The following TCP11L1 variants were observed in gnomAD, a reference collection of about 807,000 sequenced individuals.
The protein encoded by TCP11L1 is t-complex 11 like 1.
TCP11L1 carries 28 observed loss-of-function variants against 48.9 expected under a neutral mutation model. The observed-to-expected ratio is 0.57, with a 90% CI of 0.42 to 0.78. The LOEUF is 0.78. Among genes scored for constraint, TCP11L1 ranks in the 30% least tolerant of loss-of-function variants. TCP11L1 has a pLI of 0.00. For synonymous variants in TCP11L1, 204 were observed against 231.9 expected, an observed-to-expected ratio of 0.88 and a Z score of 1.09; for missense variants, 505 against 613.4, an observed-to-expected ratio of 0.82 and a Z score of 1.87.
chr11:33,070,937 G>A (rs1164890675), intron 9 of TCP11L1, among the ~76,000 whole-genome samples: 1 of 151,554 alleles, frequency 6.6e-6, no homozygotes, highest in Non-Finnish European at 1.5e-5. Context: ...AGGAGGCGGG[G>A]GTTGCAGTGA....
intron 9 of TCP11L1, among the ~76,000 whole-genome samples, chr11:33,070,472 G>C (rs777072475): frequency 2.6e-5 from 4 of 152,132 alleles, no homozygotes; most frequent in Non-Finnish European, 5.9e-5. Flanking sequence ...GTTCACCTGA[G>C]ATTGGAAGTT....
chr11:33,057,372 G>A, intron 4 of TCP11L1, 137 bp downstream of exon 4: 1 of 1,434,012 alleles, frequency 7.0e-7, no homozygotes, highest in Non-Finnish European at 9.4e-7. Flanking sequence ...TGGATCAAGA[G>A]TGTTTTTGGC....
chr11:33,040,597 TG>T lies in TCP11L1; in HGVS notation c.-25+807del, dbSNP rs943223075. On this transcript the variant is annotated intron_variant, in intron 1 of 9. Transcript: ENST00000334274. ...ATGGAGCATAAGTGGGGAATATGACTGGTCCTGGCTCTTAAGAAGTTCGAAA... is the reference window on the plus strand; with the variant it reads ...ATGGAGCATAAGTGGGGAATATGACTGTCCTGGCTCTTAAGAAGTTCGAAA... 217 of 152,268 alleles carry T rather than the reference TG, an allele frequency of 1.4e-3. 1 individual carries two copies. Among genetic ancestry groups the T allele is most frequent in the African/African-American group, 4.9e-3 (204 of 41,466 alleles). The allele number at this position is 152,268 out of a possible 1,614,324, so 9.4% of individuals were successfully genotyped here. A position where few individuals can be genotyped will look rare whatever the true frequency, so the allele number is the denominator to read the frequency against.
In TCP11L1 at chr11:33,061,737, T is replaced by C; in HGVS notation, c.972+11T>C. On this transcript the variant is annotated intron_variant, in intron 7 of 9. Transcript: ENST00000334274. ...AGGCCGTTCCCCGAAGTAGGTCTCC[T>C]GAGCCATCTCACTACTCATATTTGT... 6.3e-7 allele frequency: 1 copy of C among 1,583,460 alleles called. No individual in the cohort carries two copies.
chr11:33,070,075 G>A (rs1462611716), intron 9 of TCP11L1, among the ~76,000 whole-genome samples: 4 of 151,778 alleles, frequency 2.6e-5, no homozygotes, highest in Non-Finnish European at 5.9e-5. Context: ...CCAGGAGTTC[G>A]AGACTATCTG....
At chr11:33,071,334 G>A (rs770318994) in intron 9 of TCP11L1, among the ~76,000 whole-genome samples, 1 of 152,052 alleles carries the variant, frequency 6.6e-6, no homozygotes, top group Non-Finnish European at 1.5e-5. Context: ...AAGAGTAAGG[G>A]TGTTAGGCCC....
intron 7 of TCP11L1, among the ~76,000 whole-genome samples, chr11:33,063,513 AGAG>A (rs1015881743): frequency 6.6e-6 from 1 of 152,338 alleles, no homozygotes; most frequent in Admixed American, 6.5e-5. Context: ...AAACCACAAC[AGAG>A]GTGTGGTTGT....
At chr11:33,062,740 C>T (rs367795654) in intron 7 of TCP11L1, among the ~76,000 whole-genome samples, 2 of 152,194 alleles carry the variant, frequency 1.3e-5, no homozygotes, top group African/African-American at 4.8e-5. Context: ...TGGACTAATC[C>T]GGGTACTTAA....
Position 33,043,954 on chromosome 11 carries a change from T to C in TCP11L1, c.163+18T>C, listed in dbSNP as rs1853912693. On this transcript the variant is annotated intron_variant, in intron 2 of 9. Coordinates refer to ENST00000334274, the MANE Select transcript of TCP11L1 (RefSeq NM_018393.4). ...ACCTCACTGTAAGCAAATTTGACTT[T>C]GGTTAGATGCAATATTGTCATTGTT... 1 of 1,579,086 alleles carries C rather than the reference T, an allele frequency of 6.3e-7. No homozygotes were observed. The highest frequency in any genetic ancestry group is 8.6e-7 in the Non-Finnish European group (1 of 1,167,284).
intron 1 of TCP11L1, 66 bp from the exon 2 acceptor site, chr11:33,043,684 A>G (rs1853903663): frequency 7.2e-7 from 1 of 1,380,328 alleles, no homozygotes; most frequent in Non-Finnish European, 9.8e-7. Flanking sequence ...GCCCTGAGTC[A>G]CATTGCTAGT....
At chr11:33,070,745 G>C (rs1854762832) in intron 9 of TCP11L1, among the ~76,000 whole-genome samples, 1 of 150,246 alleles carries the variant, frequency 6.7e-6, no homozygotes, top group Non-Finnish European at 1.5e-5. Flanking sequence ...ACTCATGCCT[G>C]TAATCCCAGC....
intron 8 of TCP11L1, among the ~76,000 whole-genome samples, chr11:33,067,996 G>A (rs1312196076): frequency 1.3e-5 from 2 of 151,384 alleles, no homozygotes; most frequent in East Asian, 1.9e-4. Flanking sequence ...ACGTGATCTC[G>A]GCGTCCACTT....
chr11:33,056,736 G>A (rs1294559020), intron 3 of TCP11L1: 1 of 240,688 alleles, frequency 4.2e-6, no homozygotes, highest in Non-Finnish European at 8.5e-6. Flanking sequence ...AAGTCACAAC[G>A]CCCAGCCTAA....
chr11:33,067,706 A>G (rs992908107), intron 8 of TCP11L1, among the ~76,000 whole-genome samples: 1 of 152,136 alleles, frequency 6.6e-6, no homozygotes, highest in African/African-American at 2.4e-5. Context: ...GGTGAGTGCC[A>G]GGGCTTGCTC....
chr11:33,066,067 G>T, intron 8 of TCP11L1, 56 bp downstream of exon 8: 1 of 1,592,296 alleles, frequency 6.3e-7, no homozygotes, highest in Middle Eastern at 1.9e-4. Context: ...GAGCCGACTG[G>T]AGTCTCCCAG....
At chr11:33,071,016 A>G in intron 9 of TCP11L1, among the ~76,000 whole-genome samples, 1 of 151,462 alleles carries the variant, frequency 6.6e-6, no homozygotes, top group Admixed American at 6.6e-5. Flanking sequence ...AGAAAAAAAA[A>G]AGAAGAAGGG....
chr11:33,055,139 G>A (rs1854274189), intron 3 of TCP11L1, among the ~76,000 whole-genome samples: 2 of 152,194 alleles, frequency 1.3e-5, no homozygotes, highest in South Asian at 4.1e-4. Flanking sequence ...GCTGTCATAA[G>A]AAAGAGGAAA....
chr11:33,058,545 T>TA (rs1396729615), intron 5 of TCP11L1, among the ~76,000 whole-genome samples: 1 of 120,568 alleles, frequency 8.3e-6, no homozygotes, highest in Non-Finnish European at 1.8e-5. Flanking sequence ...TACTCATGGA[T>TA]TTAAAAAAAA....
chr11:33,059,083 G>A lies in TCP11L1; in HGVS notation c.763G>A (p.Glu255Lys), dbSNP rs776589866. The change falls in exon 6 of 10, where the codon GAG becomes AAG. Residue 255 changes from glutamate (E) to lysine (K), a missense_variant. Coordinates refer to ENST00000334274, the MANE Select transcript of TCP11L1 (RefSeq NM_018393.4). ...YERKKFQEILERQPNSLDFVT... is the reference protein window; with the variant it reads ...YERKKFQEILKRQPNSLDFVT... The stretch of plus-strand genomic sequence containing the variant: ...AAGGAAGAAGTTTCAAGAGATTTTG[G>A]AGAGGCAACCAAGTATGTTGAATAT... 21 of 1,613,886 alleles carry A rather than the reference G, an allele frequency of 1.3e-5. No homozygotes were observed. The highest frequency in any genetic ancestry group is 1.7e-5 in the Non-Finnish European group (20 of 1,179,976).
Sources: gnomAD v4.1 joint callset for allele counts (sites outside exome capture counted in the v4.1 genomes callset) on GRCh38, gnomAD v4.1.1 for gene constraint, MANE v1.5 for transcripts, NCBI Gene and HGNC (gene_info 2026-07-23, HGNC 2026-07-21) for gene names.